TBL1X: variants seen among roughly 807,000 people sequenced by gnomAD.
TBL1X encodes the protein F-box-like/WD repeat-containing protein TBL1X.
In TBL1X, 10 loss-of-function variants were observed where a neutral mutation model predicts 50.7. The observed-to-expected ratio is 0.20, with a 90% CI of 0.12 to 0.33. The LOEUF is 0.33. Ranked by LOEUF, TBL1X falls within the 10% of genes least tolerant of loss-of-function variation. TBL1X has a pLI of 1.00. For missense variants in TBL1X, 340 were observed against 504.4 expected (o/e 0.67, Z 3.12); for synonymous variants, 190 against 214.7 (o/e 0.88, Z 1.01).
intron 2 of TBL1X, among the ~76,000 whole-genome samples, chrX:9,547,612 G>A (rs1010382760): frequency 1.2e-4 from 13 of 111,079 alleles, no homozygotes; most frequent in South Asian, 7.7e-4. Context: ...GAACCACTGC[G>A]CCTAGCCTCG....
intron 1 of TBL1X, among the ~76,000 whole-genome samples, chrX:9,477,846 C>G (rs2081857762): frequency 9.0e-6 from 1 of 111,676 alleles, no homozygotes; most frequent in Non-Finnish European, 1.9e-5. Flanking sequence ...CCACCTCCAG[C>G]CACGGGCCAC....
chrX:9,567,184 C>G (rs1391078510), intron 2 of TBL1X, among the ~76,000 whole-genome samples: 1 of 111,472 alleles, frequency 9.0e-6, no homozygotes, highest in Admixed American at 9.5e-5. Context: ...GAAAATGGCA[C>G]AGAGAGGCAG....
chrX:9,638,191 A>G (rs982291557), intron 2 of TBL1X, among the ~76,000 whole-genome samples: 6 of 111,731 alleles, frequency 5.4e-5, no homozygotes, highest in Non-Finnish European at 9.4e-5. Context: ...CACCACACCA[A>G]GAACAGAGGG....
intron 2 of TBL1X, among the ~76,000 whole-genome samples, chrX:9,622,428 A>G (rs190932704): frequency 3.7e-3 from 410 of 111,283 alleles, no homozygotes; most frequent in Non-Finnish European, 6.7e-3. Flanking sequence ...AGCGTCTTCA[A>G]GGTTCACACA....
At chrX:9,715,329 C>T (rs2083271859) in intron 17 of TBL1X, among the ~76,000 whole-genome samples, 1 of 111,993 alleles carries the variant, frequency 8.9e-6, no homozygotes, top group Non-Finnish European at 1.9e-5. Flanking sequence ...ATGACGGGAA[C>T]GTTTTGGGAA....
intron 2 of TBL1X, among the ~76,000 whole-genome samples, chrX:9,552,888 A>G (rs1038352362): frequency 8.0e-5 from 9 of 111,939 alleles, no homozygotes; most frequent in Non-Finnish European, 1.7e-4. Flanking sequence ...CATGCCTGTA[A>G]TCCCAGCACT....
At chrX:9,469,916 G>C (rs1159007481) in intron 1 of TBL1X, among the ~76,000 whole-genome samples, 2 of 112,552 alleles carry the variant, frequency 1.8e-5, no homozygotes, top group Non-Finnish European at 3.8e-5. Context: ...TCCTCTCTCT[G>C]ATGACACATG....
At chrX:9,654,894 A>G (rs2082856977) in intron 5 of TBL1X, among the ~76,000 whole-genome samples, 1 of 111,419 alleles carries the variant, frequency 9.0e-6, no homozygotes, top group South Asian at 3.9e-4. Context: ...GCAGGGAAGT[A>G]GTGGGAAGAA....
chrX:9,665,489 CTATATATATATA>C (rs56756151), intron 5 of TBL1X, among the ~76,000 whole-genome samples: 322 of 19,781 alleles, frequency 0.016, 12 homozygotes, highest in African/African-American at 0.033. Context: ...GATATTCAAG[CTATATATATATA>C]TATATATATA....
chrX:9,629,337 G>C (rs1434535207), intron 2 of TBL1X, among the ~76,000 whole-genome samples: 1 of 112,259 alleles, frequency 8.9e-6, no homozygotes, highest in South Asian at 3.7e-4. Flanking sequence ...ACGTGACTAC[G>C]ATGGCTGCAA....
At chrX:9,634,070 C>T (rs1353195815) in intron 2 of TBL1X, among the ~76,000 whole-genome samples, 2 of 111,770 alleles carry the variant, frequency 1.8e-5, no homozygotes, top group South Asian at 3.8e-4. Flanking sequence ...GAAGATACAC[C>T]GTGAGGTTGT....
At chrX:9,705,580 C>T (rs2083201733) in intron 13 of TBL1X, among the ~76,000 whole-genome samples, 1 of 110,473 alleles carries the variant, frequency 9.1e-6, no homozygotes, top group Non-Finnish European at 1.9e-5. Flanking sequence ...CATAGCAAGA[C>T]TCTGTCTCTA....
rs746912525 is a variant in TBL1X, at chrX:9,679,593, G to A, written c.212-4450G>A. Among the ~76,000 whole-genome samples, 5 of 112,235 alleles carry A rather than the reference G, an allele frequency of 4.5e-5. 1 individual carries two copies. The highest frequency in any genetic ancestry group is 3.7e-4 in the South Asian group (1 of 2,668). ...CCCTTTAACTACTTCTGCACCTGCCGCAGGGGCAGTCCTTGGTGCTTCGTT... is the reference window on the plus strand; with the variant it reads ...CCCTTTAACTACTTCTGCACCTGCCACAGGGGCAGTCCTTGGTGCTTCGTT... On this transcript the variant is annotated intron_variant, in intron 5 of 17. Coordinates refer to ENST00000645353, the MANE Select transcript of TBL1X (RefSeq NM_005647.4).
Position 9,697,521 on chromosome X carries a change from C to T in TBL1X, c.1114+92C>T, listed in dbSNP as rs866815877. The T allele has an allele frequency of 1.7e-5, 20 of 1,144,230 alleles. No homozygotes were observed. In the Middle Eastern group the frequency reaches 1.4e-3, roughly 79 times the overall value. The allele number at this position is 1,144,230 out of a possible 1,213,427, so 94.3% of individuals were successfully genotyped here. A position where few individuals can be genotyped will look rare whatever the true frequency, so the allele number is the denominator to read the frequency against. ...GCCCAGTGGCTTACGCCTGTAATCC[C>T]AGCACTTTGGGAAGCCGAAGCAGGT... On this transcript the variant is annotated intron_variant, in intron 12 of 17. Coordinates refer to ENST00000645353, the MANE Select transcript of TBL1X (RefSeq NM_005647.4).
chrX:9,654,113 C>A, intron 4 of TBL1X, 102 bp from the exon 5 acceptor site: 1 of 611,851 alleles, frequency 1.6e-6, no homozygotes, highest in Admixed American at 3.8e-5. Context: ...TAATTACCTT[C>A]ATGTGTATAA....
chrX:9,545,385 A>T (rs1253023705), intron 2 of TBL1X, among the ~76,000 whole-genome samples: 1 of 109,525 alleles, frequency 9.1e-6, no homozygotes, highest in Non-Finnish European at 1.9e-5. Context: ...TGCAAAAAAT[A>T]AAAAAATGAA....
At chrX:9,468,012 C>T (rs1008071177) in intron 1 of TBL1X, among the ~76,000 whole-genome samples, 6 of 112,522 alleles carry the variant, frequency 5.3e-5, no homozygotes, top group Non-Finnish European at 1.1e-4. Context: ...CATCGCCATC[C>T]AGTATTTAGG....
intron 1 of TBL1X, among the ~76,000 whole-genome samples, chrX:9,467,640 G>A (rs1356558292): frequency 9.1e-6 from 1 of 109,554 alleles, no homozygotes; most frequent in Non-Finnish European, 1.9e-5. Flanking sequence ...TAGTTGGAAA[G>A]ATAAACTTTT....
intron 9 of TBL1X, 134 bp from the exon 10 acceptor site, chrX:9,693,015 A>G: frequency 1.6e-6 from 1 of 622,782 alleles, no homozygotes; most frequent in Non-Finnish European, 2.6e-6. Context: ...TGGTATTTTC[A>G]ATTCTGTCAT....
Sources: gnomAD v4.1 joint callset for allele counts (sites outside exome capture counted in the v4.1 genomes callset) on GRCh38, gnomAD v4.1.1 for gene constraint, MANE v1.5 for transcripts, NCBI Gene and HGNC (gene_info 2026-07-23, HGNC 2026-07-21) for gene names.